DCC: variants seen among roughly 807,000 people sequenced by gnomAD.
DCC encodes DCC netrin 1 receptor.
Under a neutral mutation model 172.5 loss-of-function variants are expected in DCC, and 58 were observed. That is an observed-to-expected ratio of 0.34 (90% CI 0.27 to 0.42). DCC has a LOEUF of 0.42. DCC is among the 10% of genes least tolerant of loss of function. The pLI is 1.00. For missense variants in DCC, 1,740 were observed against 1,791.0 expected (o/e 0.97, Z 0.51); for synonymous variants, 709 against 644.5 (o/e 1.10, Z -1.52).
At chr18:53,273,891 C>T (rs368992651) in intron 12 of DCC, among the ~76,000 whole-genome samples, 1 of 152,174 alleles carries the variant, frequency 6.6e-6, no homozygotes, top group East Asian at 1.9e-4. Flanking sequence ...ACATGTACTC[C>T]ACAGCCATGT....
intron 7 of DCC, among the ~76,000 whole-genome samples, chr18:53,079,648 G>A (rs796807314): frequency 6.6e-6 from 1 of 152,082 alleles, no homozygotes; most frequent in Non-Finnish European, 1.5e-5. Flanking sequence ...AGATATAGGG[G>A]TAAGAAAAAG....
intron 19 of DCC, among the ~76,000 whole-genome samples, chr18:53,404,128 G>A (rs1407047373): frequency 6.6e-6 from 1 of 151,896 alleles, no homozygotes; most frequent in Non-Finnish European, 1.5e-5. Context: ...CAGTAGTTGT[G>A]TAGCTTTTGA....
At chr18:53,137,727 A>G (rs2043765926) in intron 7 of DCC, among the ~76,000 whole-genome samples, 1 of 152,172 alleles carries the variant, frequency 6.6e-6, no homozygotes, top group African/African-American at 2.4e-5. Context: ...CTAATAATAT[A>G]TTTAATAAAG....
intron 3 of DCC, among the ~76,000 whole-genome samples, chr18:52,914,040 A>G (rs1414101372): frequency 7.2e-5 from 11 of 152,114 alleles, no homozygotes; most frequent in Non-Finnish European, 1.6e-4. Context: ...TTATCAAACA[A>G]CAAGAGCCAA....
chr18:53,014,345 A>C (rs1020447089), intron 5 of DCC, among the ~76,000 whole-genome samples: 6 of 151,858 alleles, frequency 4.0e-5, no homozygotes, highest in Non-Finnish European at 5.9e-5. Flanking sequence ...GGTTAGTTAC[A>C]TATGTATACA....
At chr18:52,854,225 C>G (rs1428393298) in intron 2 of DCC, among the ~76,000 whole-genome samples, 1 of 152,134 alleles carries the variant, frequency 6.6e-6, no homozygotes, top group Non-Finnish European at 1.5e-5. Flanking sequence ...TATTTTGCAT[C>G]ATGAAGGCAA....
intron 23 of DCC, among the ~76,000 whole-genome samples, chr18:53,453,420 C>A (rs12605017): frequency 2.0e-5 from 3 of 151,980 alleles, no homozygotes; most frequent in South Asian, 2.1e-4. Context: ...CATTCACGAG[C>A]TTCTTCAATA....
chr18:52,782,925 A>G (rs1421709837), intron 2 of DCC, among the ~76,000 whole-genome samples: 3 of 152,216 alleles, frequency 2.0e-5, no homozygotes, highest in Middle Eastern at 6.8e-3. Flanking sequence ...AGCAAGGTAA[A>G]TCATCACTAT....
At chr18:52,797,067 A>G (rs9952007) in intron 2 of DCC, among the ~76,000 whole-genome samples, 16,501 of 150,954 alleles carry the variant, frequency 0.11, 1,018 homozygotes, top group South Asian at 0.24. Context: ...GCCTATTGAC[A>G]CTTGTATTTT....
At chr18:52,479,834 C>T (rs753469981) in intron 1 of DCC, among the ~76,000 whole-genome samples, 6 of 151,946 alleles carry the variant, frequency 3.9e-5, no homozygotes, top group Non-Finnish European at 8.8e-5. Context: ...TTTTCTCTCT[C>T]GTGGGTTCTG....
chr18:52,819,782 G>C (rs561564263), intron 2 of DCC, among the ~76,000 whole-genome samples: 2 of 151,668 alleles, frequency 1.3e-5, no homozygotes, highest in South Asian at 4.2e-4. Flanking sequence ...GCAATGGCGC[G>C]ATCTCTGCTC....
intron 14 of DCC, among the ~76,000 whole-genome samples, chr18:53,333,387 A>T (rs1599033668): frequency 1.3e-5 from 2 of 152,202 alleles, no homozygotes; most frequent in African/African-American, 4.8e-5. Flanking sequence ...TAACAAAATG[A>T]TCCATAAAAT....
chr18:52,431,561 T>C (rs962420710), intron 1 of DCC, among the ~76,000 whole-genome samples: 7 of 152,094 alleles, frequency 4.6e-5, no homozygotes, highest in South Asian at 2.1e-4. Flanking sequence ...GAAAAAAGTA[T>C]TGTTCGTCTT....
intron 2 of DCC, among the ~76,000 whole-genome samples, chr18:52,798,317 G>A (rs777742177): frequency 2.0e-5 from 3 of 152,224 alleles, no homozygotes; most frequent in Non-Finnish European, 2.9e-5. Flanking sequence ...AGTGGTAGAA[G>A]TAGCAGACTA....
intron 7 of DCC, among the ~76,000 whole-genome samples, chr18:53,147,393 A>G (rs1250588735): frequency 1.3e-5 from 2 of 152,222 alleles, no homozygotes; most frequent in Admixed American, 6.5e-5. Context: ...CTTCGTATAC[A>G]TATTATGCCC....
At chr18:52,879,448 G>C (rs1283647747) in intron 2 of DCC, among the ~76,000 whole-genome samples, 1 of 32,618 alleles carries the variant, frequency 3.1e-5, no homozygotes, top group East Asian at 1.5e-3. Flanking sequence ...TTTTGAGATG[G>C]AGTTTCACTC....
intron 9 of DCC, among the ~76,000 whole-genome samples, chr18:53,187,854 G>GATTACC (rs2055307591): frequency 6.6e-6 from 1 of 152,162 alleles, no homozygotes; most frequent in Non-Finnish European, 1.5e-5. Flanking sequence ...AGGGAGCGGA[G>GATTACC]ATTACCATGA....
chr18:52,946,467 C>CT (rs1701206728), intron 5 of DCC, among the ~76,000 whole-genome samples: 1 of 151,174 alleles, frequency 6.6e-6, no homozygotes, highest in African/African-American at 2.5e-5. Flanking sequence ...CTTAAAATGA[C>CT]ATTTTTTTTT....
chr18:52,625,835 C>T (rs574763290), intron 1 of DCC, among the ~76,000 whole-genome samples: 1 of 152,304 alleles, frequency 6.6e-6, no homozygotes, highest in Admixed American at 6.5e-5. Flanking sequence ...TCAGGTCCTG[C>T]CTCATGTCCA....
Sources: allele counts gnomAD v4.1 joint callset (sites outside exome capture counted in the v4.1 genomes callset), GRCh38; gene constraint gnomAD v4.1.1; transcripts MANE v1.5; gene names NCBI Gene and HGNC (gene_info 2026-07-23, HGNC 2026-07-21).